SNX18: variants seen among roughly 807,000 people sequenced by gnomAD.
SNX18 encodes the protein sorting nexin-18.
In SNX18, 35 loss-of-function variants were observed where a neutral mutation model predicts 48.7. That is an observed-to-expected ratio of 0.72 (90% CI 0.55 to 0.95). SNX18 has a LOEUF of 0.95. SNX18 is among the 40% of genes least tolerant of loss of function. The probability of loss-of-function intolerance (pLI) is 0.00; values close to 1 mark genes in which losing one functional copy is unlikely to be tolerated. For missense variants in SNX18, 824 were observed against 871.0 expected, an observed-to-expected ratio of 0.95 and a Z score of 0.68; for synonymous variants, 492 against 384.7, an observed-to-expected ratio of 1.28 and a Z score of -3.26.
Position 54,517,901 on chromosome 5 carries a change from G to T in SNX18, c.-52G>T. 2 of 1,453,982 alleles carry T rather than the reference G, an allele frequency of 1.4e-6. No individual in the cohort carries two copies. The highest frequency in any genetic ancestry group is 9.0e-7 in the Non-Finnish European group (1 of 1,110,476). 90.1% of individuals were successfully genotyped at this position (1,453,982 alleles called of 1,614,324 possible). A position where few individuals can be genotyped will look rare whatever the true frequency, so the allele number is the denominator to read the frequency against. On this transcript the variant is annotated 5_prime_UTR_variant, in exon 1 of 2. Coordinates refer to ENST00000381410, the MANE Select transcript of SNX18 (RefSeq NM_001102575.2). ...GCAGTACCGCGGGCCCCTCAGGTGG[G>T]CCTCGGCTCGGGACGCCGGGAGTCG...
At chr5:54,628,649 C>G in the SNX18 span, among the ~76,000 whole-genome samples, 1 of 152,226 alleles carries the variant, frequency 6.6e-6, no homozygotes, top group African/African-American at 2.4e-5. Context: ...AAACACAAAT[C>G]TGATCATCCA....
the SNX18 span, among the ~76,000 whole-genome samples, chr5:54,597,769 G>T: frequency 6.6e-6 from 1 of 152,090 alleles, no homozygotes; most frequent in East Asian, 1.9e-4. Context: ...AGCACTAAAT[G>T]CTCACATCAA....
chr5:54,647,838 G>C, the SNX18 span, among the ~76,000 whole-genome samples: 10 of 152,096 alleles, frequency 6.6e-5, no homozygotes, highest in Non-Finnish European at 1.2e-4. Context: ...ACAGATTTGA[G>C]AGAAGTGAAA....
intron 1 of SNX18, among the ~76,000 whole-genome samples, chr5:54,538,761 T>C (rs1334568589): frequency 6.6e-6 from 1 of 152,252 alleles, no homozygotes; most frequent in East Asian, 1.9e-4. Context: ...TCAGGAACTC[T>C]CGATTTTTAA....
At chr5:54,539,824 T>TTTTTG (rs879687436) in intron 1 of SNX18, among the ~76,000 whole-genome samples, 18 of 152,164 alleles carry the variant, frequency 1.2e-4, no homozygotes, top group Non-Finnish European at 1.0e-4. Flanking sequence ...TCTTTGGGTT[T>TTTTTG]TTTTGTTTTG....
At chr5:54,635,318 C>T in the SNX18 span, among the ~76,000 whole-genome samples, 1 of 151,852 alleles carries the variant, frequency 6.6e-6, no homozygotes, top group Admixed American at 6.6e-5. Context: ...ACTTTGAAAA[C>T]GCCAGCTTCC....
At chr5:54,573,513 G>A in the SNX18 span, among the ~76,000 whole-genome samples, 1 of 152,268 alleles carries the variant, frequency 6.6e-6, no homozygotes, top group Admixed American at 6.5e-5. Context: ...TTTTCCTGGG[G>A]CTTTGAGTAT....
At chr5:54,567,402 T>C in the SNX18 span, among the ~76,000 whole-genome samples, 2 of 152,002 alleles carry the variant, frequency 1.3e-5, no homozygotes, top group Non-Finnish European at 2.9e-5. Context: ...GAAAGGCCAA[T>C]CAGAAGAGGA....
At chr5:54,598,089 G>A in the SNX18 span, among the ~76,000 whole-genome samples, 2 of 151,506 alleles carry the variant, frequency 1.3e-5, no homozygotes, top group South Asian at 2.1e-4. Flanking sequence ...ACAACTATCC[G>A]AGAATAAACA....
At chr5:54,639,107 T>A in the SNX18 span, among the ~76,000 whole-genome samples, 1 of 152,254 alleles carries the variant, frequency 6.6e-6, no homozygotes, top group Non-Finnish European at 1.5e-5. Context: ...AACATTTTAA[T>A]GTTCTGCCAT....
chr5:54,634,517 G>A, the SNX18 span, among the ~76,000 whole-genome samples: 4 of 152,088 alleles, frequency 2.6e-5, no homozygotes, highest in Admixed American at 6.5e-5. Flanking sequence ...AAAACATTAC[G>A]AAATTTTTTT....
At chr5:54,588,293 T>C in the SNX18 span, among the ~76,000 whole-genome samples, 1 of 145,694 alleles carries the variant, frequency 6.9e-6, no homozygotes, top group African/African-American at 2.5e-5. Context: ...GAAAAAATAC[T>C]GTTATTTCTA....
At chr5:54,630,910 C>T in the SNX18 span, among the ~76,000 whole-genome samples, 215 of 151,466 alleles carry the variant, frequency 1.4e-3, 2 homozygotes, top group Non-Finnish European at 2.6e-3. Context: ...GCTCAGGCTG[C>T]AAATCTGCCA....
chr5:54,584,504 G>A, the SNX18 span, among the ~76,000 whole-genome samples: 17 of 152,094 alleles, frequency 1.1e-4, no homozygotes, highest in South Asian at 6.2e-4. Flanking sequence ...AGGTAAAAAC[G>A]TTTCAATCAG....
At chr5:54,631,950 T>G in the SNX18 span, among the ~76,000 whole-genome samples, 31,016 of 152,168 alleles carry the variant, frequency 0.2, 4,052 homozygotes, top group African/African-American at 0.37. Context: ...AACATTGACT[T>G]TCTTTAACAG....
chr5:54,560,948 G>T, the SNX18 span, among the ~76,000 whole-genome samples: 22 of 152,266 alleles, frequency 1.4e-4, no homozygotes, highest in South Asian at 4.6e-3. Context: ...ACCACCAAAG[G>T]GGTGACATCT....
At chr5:54,613,756 T>C in the SNX18 span, among the ~76,000 whole-genome samples, 2 of 152,186 alleles carry the variant, frequency 1.3e-5, no homozygotes, top group Non-Finnish European at 1.5e-5. Flanking sequence ...TGGAGTACAA[T>C]GGTGCGATCT....
chr5:54,532,076 A>G (rs934546335), intron 1 of SNX18, among the ~76,000 whole-genome samples: 12 of 152,198 alleles, frequency 7.9e-5, no homozygotes, highest in African/African-American at 2.9e-4. Context: ...AGCAGGGGCC[A>G]CTTTACTCTC....
chr5:54,624,739 G>C, the SNX18 span, among the ~76,000 whole-genome samples: 2 of 152,158 alleles, frequency 1.3e-5, no homozygotes, highest in African/African-American at 4.8e-5. Context: ...TTTTAATAGA[G>C]TATGTCAAAG....
Sources: gnomAD v4.1 joint callset for allele counts (sites outside exome capture counted in the v4.1 genomes callset) on GRCh38, gnomAD v4.1.1 for gene constraint, MANE v1.5 for transcripts, NCBI Gene and HGNC (gene_info 2026-07-23, HGNC 2026-07-21) for gene names.